Variants in SAV1 observed in about 807,000 individuals in gnomAD.
SAV1 encodes salvador family WW domain containing protein 1.
A neutral mutation model predicts 47.3 loss-of-function variants in SAV1; 23 were observed. The observed-to-expected ratio is 0.49, with a 90% CI of 0.35 to 0.69. The LOEUF (loss-of-function observed/expected upper bound fraction) is 0.69. Among genes scored for constraint, SAV1 ranks in the 30% least tolerant of loss-of-function variants. SAV1 has a pLI of 0.01. For missense variants in SAV1, 448 were observed against 457.4 expected (o/e 0.98, Z 0.19); for synonymous variants, 155 against 159.2 (o/e 0.97, Z 0.20).
At chr14:50,643,637 G>T (rs748157773) in intron 3 of SAV1, among the ~76,000 whole-genome samples, 2 of 152,148 alleles carry the variant, frequency 1.3e-5, no homozygotes, top group Non-Finnish European at 2.9e-5. Context: ...TGGTTATCTG[G>T]ACTGCAACAA....
At chr14:50,640,713 C>CA in intron 4 of SAV1, 37 bp downstream of exon 4, 1 of 1,582,666 alleles carries the variant, frequency 6.3e-7, no homozygotes, top group Non-Finnish European at 8.6e-7. Flanking sequence ...GCCCTTCACT[C>CA]ACTCCTCAAA....
intron 2 of SAV1, among the ~76,000 whole-genome samples, chr14:50,646,667 G>A (rs1486790212): frequency 2.2e-5 from 3 of 137,070 alleles, no homozygotes; most frequent in Admixed American, 1.6e-4. Context: ...CCTGGGCGAC[G>A]AGAGTGAAAC....
intron 2 of SAV1, among the ~76,000 whole-genome samples, chr14:50,654,631 C>A (rs1425698125): frequency 6.6e-6 from 1 of 152,172 alleles, no homozygotes; most frequent in Admixed American, 6.6e-5. Flanking sequence ...TGCTGTTGGA[C>A]TGCCACAAAC....
At chr14:50,647,636 G>A (rs1261227402) in intron 2 of SAV1, among the ~76,000 whole-genome samples, 1 of 152,134 alleles carries the variant, frequency 6.6e-6, no homozygotes, top group East Asian at 1.9e-4. Flanking sequence ...ATTTTTAACA[G>A]GCACTTCACC....
chr14:50,648,844 A>G (rs1304857208), intron 2 of SAV1, among the ~76,000 whole-genome samples: 1 of 152,166 alleles, frequency 6.6e-6, no homozygotes, highest in Non-Finnish European at 1.5e-5. Context: ...GCTTAAAACA[A>G]GAAGTATTTA....
At chr14:50,657,452 G>C (rs935327707) in intron 2 of SAV1, among the ~76,000 whole-genome samples, 5 of 152,194 alleles carry the variant, frequency 3.3e-5, no homozygotes, top group Non-Finnish European at 5.9e-5. Context: ...ACAGGTTCAA[G>C]TGAATTATTT....
intron 2 of SAV1, chr14:50,662,726 G>A (rs2039870406): frequency 1.3e-5 from 2 of 152,298 alleles, no homozygotes; most frequent in Admixed American, 1.3e-4. Context: ...TTAAACCTCA[G>A]GTAGAAAAGT....
intron 3 of SAV1, 127 bp from the exon 4 acceptor site, chr14:50,641,020 A>T: frequency 1.4e-6 from 1 of 701,520 alleles, no homozygotes; most frequent in African/African-American, 1.8e-5. Context: ...ACACCACCTG[A>T]AAGGTAATGT....
In SAV1 at chr14:50,668,165, C is replaced by T. The variant is rs1333243759; in HGVS notation, c.-198G>A. 9.9e-6 allele frequency: 3 copies of T among 302,912 alleles called. No homozygotes were observed. The highest frequency in any genetic ancestry group is 1.8e-5 in the Non-Finnish European group (3 of 167,928). The allele number at this position is 302,912 out of a possible 1,614,324, so 18.8% of individuals were successfully genotyped here. A position where few individuals can be genotyped will look rare whatever the true frequency, so the allele number is the denominator to read the frequency against. ...TTCAGGGCGCTAAGCGCGCCGGCCG[C>T]CGCTCAGTCGCTGGTCAGTTCCTTC... On this transcript the variant is annotated 5_prime_UTR_variant, in exon 1 of 5. Transcript: ENST00000324679.
At chr14:50,657,858 A>T (rs2039826283) in intron 2 of SAV1, among the ~76,000 whole-genome samples, 1 of 152,232 alleles carries the variant, frequency 6.6e-6, no homozygotes, top group Non-Finnish European at 1.5e-5. Context: ...CTCAGCTATC[A>T]GTAGATGTGC....
rs79942755 is a variant in SAV1 at position 50,658,171 on chromosome 14, T to C, written c.535+7008A>G. Among the ~76,000 whole-genome samples the C allele has an allele frequency of 8.6e-3, 1,317 of 152,314 alleles. 14 individuals carry two copies. The highest frequency in any genetic ancestry group is 0.03 in the African/African-American group (1,233 of 41,560). On this transcript the variant is annotated intron_variant, in intron 2 of 4. Transcript: ENST00000324679. ...AGATTATCAACCCCTCCTCAAAAGA[T>C]TCTGGTTACACAAATATTTACACAT...
chr14:50,635,459 T>G, intron 4 of SAV1, 75 bp from the exon 5 acceptor site: 1 of 1,145,370 alleles, frequency 8.7e-7, no homozygotes, highest in Non-Finnish European at 1.3e-6. Context: ...AACTAGTCTG[T>G]TTTTTAAAAT....
intron 3 of SAV1, 114 bp from the exon 4 acceptor site, chr14:50,641,007 C>T (rs1397173971): frequency 1.1e-6 from 1 of 891,712 alleles, no homozygotes; most frequent in Non-Finnish European, 1.7e-6. Flanking sequence ...TCCAAACTGA[C>T]TTACACCACC....
At chr14:50,659,409 A>G (rs2934704) in intron 2 of SAV1, among the ~76,000 whole-genome samples, 2,584 of 152,316 alleles carry the variant, frequency 0.017, 79 homozygotes, top group African/African-American at 0.058. Context: ...CCGAATTTTG[A>G]TAAAATATTT....
chr14:50,657,117 C>T (rs1249149555), intron 2 of SAV1, among the ~76,000 whole-genome samples: 3 of 151,656 alleles, frequency 2.0e-5, no homozygotes, highest in African/African-American at 4.9e-5. Flanking sequence ...CCCTCCACAC[C>T]GCGGGTTCCC....
chr14:50,647,433 TGTAGTTCAACCTACTCAGGAAGCTGA>T (rs2039731518), intron 2 of SAV1, among the ~76,000 whole-genome samples: 1 of 152,078 alleles, frequency 6.6e-6, no homozygotes, highest in Non-Finnish European at 1.5e-5. Flanking sequence ...GACACGCACC[TGTAGTTCAACCTACTCAGGAAGCTGA>T]GTAGGAGGGT....
At chr14:50,649,282 A>C (rs1465654967) in intron 2 of SAV1, among the ~76,000 whole-genome samples, 2 of 152,172 alleles carry the variant, frequency 1.3e-5, no homozygotes, top group Non-Finnish European at 2.9e-5. Context: ...CTTTTAACTT[A>C]TGTAATTTTA....
At position 50,665,336 on chromosome 14, in the gene SAV1, A is replaced by G. The variant is rs2039892254; in HGVS notation, c.378T>C (p.Asn126=). The change falls in exon 2 of 5, where the codon AAT becomes AAC. Residue 126 remains asparagine, a synonymous_variant. Transcript: ENST00000324679. ...FVTEVSFAVE[N]GDSGSRYYYS... ...AATAATATCGGGAACCAGAGTCTCC[A>G]TTTTCAACAGCAAAACTAACTTCCG... is the stretch of plus-strand genomic sequence containing the variant. 2.5e-6 allele frequency: 4 copies of G among 1,613,636 alleles called. No individual in the cohort carries two copies. Among genetic ancestry groups the G allele is most frequent in the Non-Finnish European group, 3.4e-6 (4 of 1,179,774 alleles).
At chr14:50,640,987 G>A (rs889484418) in intron 3 of SAV1, 94 bp from the exon 4 acceptor site, 31 of 1,196,744 alleles carry the variant, frequency 2.6e-5, no homozygotes, top group Non-Finnish European at 3.3e-5. Context: ...ATTTTTCAGT[G>A]TGCCTTCTGT....
Sources: allele counts gnomAD v4.1 joint callset (sites outside exome capture counted in the v4.1 genomes callset), GRCh38; gene constraint gnomAD v4.1.1; transcripts MANE v1.5; gene names NCBI Gene and HGNC (gene_info 2026-07-23, HGNC 2026-07-21).